GALNTL6: variants seen among roughly 807,000 people sequenced by gnomAD.
The protein encoded by GALNTL6 is polypeptide N-acetylgalactosaminyltransferase-like 6.
In GALNTL6, 46 loss-of-function variants were observed where a neutral mutation model predicts 73.7. That is an observed-to-expected ratio of 0.62 (90% CI 0.49 to 0.80). The LOEUF is 0.80. Ranked by LOEUF, GALNTL6 falls within the 30% of genes least tolerant of loss-of-function variation. The probability of loss-of-function intolerance (pLI) is 0.00; values close to 1 mark genes in which losing one functional copy is unlikely to be tolerated. For missense variants in GALNTL6, 604 were observed against 755.0 expected, an observed-to-expected ratio of 0.80 and a Z score of 2.34; for synonymous variants, 259 against 263.7, an observed-to-expected ratio of 0.98 and a Z score of 0.17.
chr4:171,966,715 C>A (rs62326335), intron 2 of GALNTL6, among the ~76,000 whole-genome samples: 14 of 151,900 alleles, frequency 9.2e-5, no homozygotes, highest in Non-Finnish European at 1.0e-4. Flanking sequence ...TATTTCTTGC[C>A]TGGTTAAAAC....
intron 5 of GALNTL6, among the ~76,000 whole-genome samples, chr4:172,686,339 A>G (rs765947773): frequency 6.6e-6 from 1 of 152,092 alleles, no homozygotes; most frequent in Admixed American, 6.6e-5. Context: ...TCCCGCCATG[A>G]ACCTACTAAA....
At chr4:171,988,690 A>G (rs1208209307) in intron 2 of GALNTL6, among the ~76,000 whole-genome samples, 2 of 152,100 alleles carry the variant, frequency 1.3e-5, no homozygotes, top group Non-Finnish European at 2.9e-5. Context: ...TGGTAAGGAG[A>G]GTGTATAGGC....
At chr4:172,159,810 A>G (rs1734397859) in intron 2 of GALNTL6, among the ~76,000 whole-genome samples, 1 of 152,182 alleles carries the variant, frequency 6.6e-6, no homozygotes, top group African/African-American at 2.4e-5. Context: ...AAATCTCCCT[A>G]GCTTTTGTGT....
chr4:173,000,617 A>G (rs1026494248), intron 10 of GALNTL6, among the ~76,000 whole-genome samples: 1 of 152,210 alleles, frequency 6.6e-6, no homozygotes, highest in Non-Finnish European at 1.5e-5. Context: ...AACAAGAAAA[A>G]CAAAGTTGGA....
chr4:172,833,373 A>T (rs1249564378), intron 7 of GALNTL6, among the ~76,000 whole-genome samples: 1 of 152,200 alleles, frequency 6.6e-6, no homozygotes, highest in East Asian at 1.9e-4. Context: ...GATGCCAAAG[A>T]GCCCTTAAGT....
intron 3 of GALNTL6, among the ~76,000 whole-genome samples, chr4:172,259,816 T>G (rs1316219430): frequency 1.3e-5 from 2 of 151,674 alleles, no homozygotes; most frequent in African/African-American, 4.8e-5. Flanking sequence ...AGTTTCATTC[T>G]TCTACATGTG....
At chr4:172,909,789 A>G (rs1747103135) in intron 8 of GALNTL6, among the ~76,000 whole-genome samples, 1 of 152,140 alleles carries the variant, frequency 6.6e-6, no homozygotes, top group African/African-American at 2.4e-5. Context: ...TACATAAACC[A>G]AAGATAAACT....
At chr4:172,346,323 C>T (rs901839091) in intron 4 of GALNTL6, among the ~76,000 whole-genome samples, 10 of 152,212 alleles carry the variant, frequency 6.6e-5, no homozygotes, top group African/African-American at 1.7e-4. Context: ...AATTCATTAT[C>T]GTTGCTCTCA....
intron 2 of GALNTL6, among the ~76,000 whole-genome samples, chr4:172,151,649 T>A (rs1300152689): frequency 6.6e-6 from 1 of 152,058 alleles, no homozygotes. Flanking sequence ...GAAAGAAGAT[T>A]TTGAAAAATC....
intron 10 of GALNTL6, among the ~76,000 whole-genome samples, chr4:173,006,653 C>G (rs1752310308): frequency 6.6e-6 from 1 of 152,160 alleles, no homozygotes; most frequent in Admixed American, 6.5e-5. Context: ...AATCAGGTGC[C>G]TTCTGACAAC....
chr4:172,760,191 C>T (rs1201543477), intron 5 of GALNTL6, among the ~76,000 whole-genome samples: 1 of 152,146 alleles, frequency 6.6e-6, no homozygotes, highest in African/African-American at 2.4e-5. Flanking sequence ...GGCCAGTCAA[C>T]CACCCAGTGA....
At chr4:172,260,308 C>T (rs1738215239) in intron 3 of GALNTL6, among the ~76,000 whole-genome samples, 1 of 151,614 alleles carries the variant, frequency 6.6e-6, no homozygotes, top group Admixed American at 6.6e-5. Flanking sequence ...AGAGATCTTT[C>T]ACTTCCTTGG....
chr4:172,820,655 C>G (rs922953624), intron 7 of GALNTL6, among the ~76,000 whole-genome samples: 1 of 152,184 alleles, frequency 6.6e-6, no homozygotes, highest in Non-Finnish European at 1.5e-5. Context: ...TAGGACAACT[C>G]CAGAGCCTGG....
chr4:172,999,493 A>G (rs1398728328), intron 10 of GALNTL6, among the ~76,000 whole-genome samples: 1 of 152,188 alleles, frequency 6.6e-6, no homozygotes, highest in Non-Finnish European at 1.5e-5. Flanking sequence ...GAGAATCACA[A>G]ACTAAGGCAA....
chr4:172,692,858 A>G (rs889265666), intron 5 of GALNTL6, among the ~76,000 whole-genome samples: 6 of 152,202 alleles, frequency 3.9e-5, no homozygotes, highest in Non-Finnish European at 8.8e-5. Flanking sequence ...TTCCTTCTAC[A>G]ATACAGACTT....
At chr4:171,922,945 G>T (rs999248123) in intron 2 of GALNTL6, among the ~76,000 whole-genome samples, 1 of 151,986 alleles carries the variant, frequency 6.6e-6, no homozygotes, top group African/African-American at 2.4e-5. Flanking sequence ...ATACATAATT[G>T]TATTTACTTA....
At chr4:172,257,804 A>C (rs1738131990) in intron 3 of GALNTL6, among the ~76,000 whole-genome samples, 1 of 151,406 alleles carries the variant, frequency 6.6e-6, no homozygotes, top group African/African-American at 2.4e-5. Flanking sequence ...ATATTGCTAC[A>C]TATTAATTTA....
intron 7 of GALNTL6, among the ~76,000 whole-genome samples, chr4:172,869,408 T>C (rs1424688495): frequency 6.6e-6 from 1 of 152,080 alleles, no homozygotes. Flanking sequence ...AGGAAAGATC[T>C]ACAAGGGAGC....
intron 5 of GALNTL6, among the ~76,000 whole-genome samples, chr4:172,718,397 C>T (rs1324436961): frequency 2.6e-5 from 4 of 151,908 alleles, no homozygotes; most frequent in African/African-American, 7.3e-5. Context: ...ACTGGGAGGC[C>T]GAGGTGGGCA....
Sources: gnomAD v4.1 joint callset for allele counts (sites outside exome capture counted in the v4.1 genomes callset) on GRCh38, gnomAD v4.1.1 for gene constraint, MANE v1.5 for transcripts, NCBI Gene and HGNC (gene_info 2026-07-23, HGNC 2026-07-21) for gene names.